RAPGEF4: variants seen among roughly 807,000 people sequenced by gnomAD.
RAPGEF4 encodes RAP guanine-nucleotide-exchange factor (GEF) 4.
A neutral mutation model predicts 147.9 loss-of-function variants in RAPGEF4; 66 were observed. The observed-to-expected ratio is 0.45, with a 90% confidence interval of 0.37 to 0.55. The LOEUF is 0.55. Ranked by LOEUF, RAPGEF4 falls within the 20% of genes least tolerant of loss-of-function variation. The probability of loss-of-function intolerance (pLI) is 0.00; values close to 1 mark genes in which losing one functional copy is unlikely to be tolerated. For synonymous variants in RAPGEF4, 419 were observed against 442.7 expected (o/e 0.95, Z 0.67); for missense variants, 1,071 against 1,257.3 (o/e 0.85, Z 2.24).
intron 3 of RAPGEF4, among the ~76,000 whole-genome samples, chr2:172,806,788 G>GA (rs1208575985): frequency 2.6e-5 from 4 of 152,130 alleles, no homozygotes; most frequent in East Asian, 3.9e-4. Context: ...CTCAATTTCA[G>GA]AAAAAAATCT....
intron 4 of RAPGEF4, among the ~76,000 whole-genome samples, chr2:172,822,975 C>T (rs755469548): frequency 1.2e-4 from 18 of 152,214 alleles, no homozygotes; most frequent in Non-Finnish European, 2.2e-4. Context: ...GCAAAATGCC[C>T]TCTGTCTGCT....
At chr2:172,907,583 A>G (rs1302947273) in intron 4 of RAPGEF4, among the ~76,000 whole-genome samples, 1 of 152,234 alleles carries the variant, frequency 6.6e-6, no homozygotes, top group Non-Finnish European at 1.5e-5. Context: ...AACAGGTGGT[A>G]CATTATAAAA....
intron 2 of RAPGEF4, among the ~76,000 whole-genome samples, chr2:172,795,901 G>T (rs1686314972): frequency 6.6e-6 from 1 of 152,198 alleles, no homozygotes; most frequent in African/African-American, 2.4e-5. Flanking sequence ...GTCCCAAATT[G>T]TTCTGACAGC....
intron 6 of RAPGEF4, among the ~76,000 whole-genome samples, chr2:172,932,066 A>G (rs543828882): frequency 7.4e-6 from 1 of 135,400 alleles, no homozygotes; most frequent in South Asian, 2.4e-4. Flanking sequence ...GGTGTTTGGC[A>G]TATTCAGAAA....
chr2:172,875,909 C>T (rs538148909), intron 4 of RAPGEF4, among the ~76,000 whole-genome samples: 1 of 152,244 alleles, frequency 6.6e-6, no homozygotes, highest in East Asian at 1.9e-4. Context: ...TTTGTATCCT[C>T]TTTATTTTCC....
chr2:172,823,148 C>A (rs1430818940), intron 4 of RAPGEF4, among the ~76,000 whole-genome samples: 1 of 152,192 alleles, frequency 6.6e-6, no homozygotes, highest in African/African-American at 2.4e-5. Flanking sequence ...ACAAAGAGAT[C>A]TGCTTCTGAA....
intron 6 of RAPGEF4, among the ~76,000 whole-genome samples, chr2:172,942,777 C>CTAA (rs1687298217): frequency 6.6e-6 from 1 of 152,036 alleles, no homozygotes; most frequent in African/African-American, 2.4e-5. Flanking sequence ...TTTATTTAAC[C>CTAA]TAACACATCC....
At chr2:172,783,744 G>C (rs1456474263) in intron 1 of RAPGEF4, among the ~76,000 whole-genome samples, 1 of 151,266 alleles carries the variant, frequency 6.6e-6, no homozygotes, top group Non-Finnish European at 1.5e-5. Context: ...ATGGGTATCT[G>C]TGTGTGTGTA....
intron 10 of RAPGEF4, among the ~76,000 whole-genome samples, chr2:172,980,463 G>A (rs73977748): frequency 0.073 from 11,089 of 151,944 alleles, 593 homozygotes; most frequent in South Asian, 0.16. Context: ...ACAAGGGATG[G>A]ACAAAAGAAC....
intron 10 of RAPGEF4, among the ~76,000 whole-genome samples, chr2:172,969,439 C>T (rs1190021613): frequency 6.6e-6 from 1 of 152,148 alleles, no homozygotes; most frequent in Non-Finnish European, 1.5e-5. Context: ...GAGGGTTTAA[C>T]CTGGTGTGGA....
chr2:172,892,566 T>C (rs985686074), intron 4 of RAPGEF4, among the ~76,000 whole-genome samples: 1 of 152,240 alleles, frequency 6.6e-6, no homozygotes, highest in African/African-American at 2.4e-5. Context: ...TTAGTGCTTC[T>C]GAAGGTTCAC....
At chr2:172,944,638 ATT>A (rs1249159987) in intron 6 of RAPGEF4, among the ~76,000 whole-genome samples, 3 of 152,186 alleles carry the variant, frequency 2.0e-5, no homozygotes, top group Non-Finnish European at 4.4e-5. Context: ...TCTTAGAGTG[ATT>A]AACCCCAGTC....
In RAPGEF4 at chr2:173,039,562, A is replaced by C. The variant is rs894949470; in HGVS notation, c.2853+2870A>C. 4.1e-4 allele frequency among the ~76,000 whole-genome samples: 62 copies of C among 152,096 alleles called. 1 individual carries two copies. The highest frequency in any genetic ancestry group is 1.4e-3 in the African/African-American group (60 of 41,424). The stretch of plus-strand genomic sequence containing the variant: ...TGCCAGTTTTACATCCACTTGGTTC[A>C]AGATGGCAACCTCCACCTCCACACT... On this transcript the variant is annotated intron_variant, in intron 29 of 30. Coordinates refer to ENST00000397081, the MANE Select transcript of RAPGEF4 (RefSeq NM_007023.4).
chr2:173,030,770 G>A (rs1161406911), intron 26 of RAPGEF4, among the ~76,000 whole-genome samples: 4 of 152,182 alleles, frequency 2.6e-5, no homozygotes, highest in South Asian at 4.1e-4. Flanking sequence ...TTCTCTCCAC[G>A]GAGAGGAACA....
intron 4 of RAPGEF4, among the ~76,000 whole-genome samples, chr2:172,843,966 C>A (rs1213583173): frequency 6.6e-6 from 1 of 152,202 alleles, no homozygotes; most frequent in Non-Finnish European, 1.5e-5. Context: ...TTATCTCTGA[C>A]AGGTGCTGGT....
chr2:172,980,459 G>A (rs1229601924), intron 10 of RAPGEF4, among the ~76,000 whole-genome samples: 1 of 152,120 alleles, frequency 6.6e-6, no homozygotes, highest in African/African-American at 2.4e-5. Context: ...CAATACAAGG[G>A]ATGGACAAAA....
At chr2:172,863,563 C>T (rs1243076402) in intron 4 of RAPGEF4, among the ~76,000 whole-genome samples, 1 of 152,098 alleles carries the variant, frequency 6.6e-6, no homozygotes, top group Admixed American at 6.5e-5. Flanking sequence ...CAAAATAGCT[C>T]GGTTTTAAAG....
At chr2:173,024,079 G>T (rs184578927) in intron 23 of RAPGEF4, among the ~76,000 whole-genome samples, 2,038 of 152,238 alleles carry the variant, frequency 0.013, 23 homozygotes, top group Non-Finnish European at 0.02. Flanking sequence ...TTAAAACTTT[G>T]GAATCACTTT....
intron 4 of RAPGEF4, chr2:172,859,967 GCC>G (rs1693839828): frequency 1.8e-5 from 17 of 924,896 alleles, no homozygotes; most frequent in Middle Eastern, 5.5e-4. Flanking sequence ...GGGAGTGACT[GCC>G]TGGCAATTGT....
Sources: gnomAD v4.1 joint callset for allele counts (sites outside exome capture counted in the v4.1 genomes callset) on GRCh38, gnomAD v4.1.1 for gene constraint, MANE v1.5 for transcripts, NCBI Gene and HGNC (gene_info 2026-07-23, HGNC 2026-07-21) for gene names.